KCNMA1: variants seen among roughly 807,000 people sequenced by gnomAD.
The protein encoded by KCNMA1 is Calcium-activated potassium channel subunit alpha-1.
In KCNMA1, 29 loss-of-function variants were observed where a neutral mutation model predicts 140.0. That is an observed-to-expected ratio of 0.21 (90% CI 0.15 to 0.28). The LOEUF (loss-of-function observed/expected upper bound fraction) is 0.28. Among genes scored for constraint, KCNMA1 ranks in the 10% least tolerant of loss-of-function variants. The pLI, the probability that KCNMA1 is intolerant of heterozygous loss-of-function variation, is 1.00. For synonymous variants in KCNMA1, 612 were observed against 611.9 expected (o/e 1.00, Z 0.00); for missense variants, 880 against 1,602.2 (o/e 0.55, Z 7.70).
chr10:77,218,236 G>A (rs574481011), intron 3 of KCNMA1, among the ~76,000 whole-genome samples: 1 of 152,208 alleles, frequency 6.6e-6, no homozygotes, highest in Admixed American at 6.5e-5. Flanking sequence ...AACGTCACTA[G>A]CTCCCTGGTC....
Position 76,944,822 on chromosome 10 carries a change from T to C in KCNMA1, c.2853A>G (p.Lys951=). The change falls in exon 23 of 28, where the codon AAA becomes AAG. Residue 951 remains lysine (K), a synonymous_variant. Transcript: ENST00000286628. The stretch of plus-strand genomic sequence containing the variant: ...CGATGCTGTCATCAAACTGCATAGA[T>C]TTGATGTTGAGTGACGCCAAGATGC... ...KECILASLNI[K]SMQFDDSIGV... is the part of the protein sequence containing the mutation. The C allele has an allele frequency of 6.2e-7, 1 of 1,614,106 alleles. No homozygotes were observed. The highest frequency in any genetic ancestry group is 8.5e-7 in the Non-Finnish European group (1 of 1,180,012).
intron 16 of KCNMA1, among the ~76,000 whole-genome samples, chr10:77,025,998 A>ATAT (rs1555139543): frequency 3.4e-4 from 48 of 139,932 alleles, no homozygotes; most frequent in East Asian, 2.9e-3. Flanking sequence ...AGAAAAAAAA[A>ATAT]ATATATATAT....
chr10:77,088,943 T>C (rs1217413024), intron 10 of KCNMA1, among the ~76,000 whole-genome samples: 1 of 152,220 alleles, frequency 6.6e-6, no homozygotes, highest in Non-Finnish European at 1.5e-5. Context: ...GGGTTGATGT[T>C]GTCTCTAATG....
chr10:76,903,107 C>T (rs1379241153), intron 25 of KCNMA1: 1 of 152,236 alleles, frequency 6.6e-6, no homozygotes, highest in African/African-American at 2.4e-5. Context: ...AACAGGGAAA[C>T]CTGAGCCCAC....
intron 17 of KCNMA1, among the ~76,000 whole-genome samples, chr10:77,015,203 G>C (rs2091769243): frequency 1.3e-5 from 2 of 152,118 alleles, no homozygotes; most frequent in African/African-American, 4.8e-5. Context: ...TTCCTGGCCT[G>C]CGTGTCCAGT....
intron 1 of KCNMA1, chr10:77,636,519 G>A: frequency 6.5e-7 from 1 of 1,536,184 alleles, no homozygotes. Flanking sequence ...GGGTGGCCTG[G>A]GGGCAAAGGA....
Position 77,409,044 on chromosome 10 carries a change from C to T in KCNMA1, c.379-5021G>A, listed in dbSNP as rs186169774. ...ACCCACCCTACCAGGCAACCTCTCA[C>T]GGGGCTGTGCCCAGCCTTACACCCT... On this transcript the variant is annotated intron_variant, in intron 1 of 27. Transcript: ENST00000286628. Among the ~76,000 whole-genome samples, 556 of 152,286 alleles carry T rather than the reference C, an allele frequency of 3.7e-3. 4 individuals are homozygous for T. The highest frequency in any genetic ancestry group is 0.027 in the South Asian group (131 of 4,820).
intron 1 of KCNMA1, among the ~76,000 whole-genome samples, chr10:77,565,194 G>T (rs1180259992): frequency 6.6e-6 from 1 of 152,172 alleles, no homozygotes; most frequent in African/African-American, 2.4e-5. Context: ...CCTGCAAGTG[G>T]TTACCTTCCC....
At chr10:77,488,608 C>G (rs1001186617) in intron 1 of KCNMA1, among the ~76,000 whole-genome samples, 12 of 152,158 alleles carry the variant, frequency 7.9e-5, no homozygotes, top group African/African-American at 2.4e-4. Context: ...TGTGGGTGCA[C>G]AGCCCTGCCC....
intron 1 of KCNMA1, among the ~76,000 whole-genome samples, chr10:77,450,601 C>T (rs1016436164): frequency 6.6e-6 from 1 of 152,060 alleles, no homozygotes; most frequent in African/African-American, 2.4e-5. Flanking sequence ...TCATAAAAAG[C>T]CTCCTTTTCA....
chr10:77,338,984 T>A (rs2090091093), intron 2 of KCNMA1, among the ~76,000 whole-genome samples: 1 of 152,122 alleles, frequency 6.6e-6, no homozygotes, highest in South Asian at 2.1e-4. Context: ...CATGCATGTA[T>A]TCTCAATGGG....
chr10:77,465,106 C>CGGCCA (rs2097961617), intron 1 of KCNMA1, among the ~76,000 whole-genome samples: 1 of 152,172 alleles, frequency 6.6e-6, no homozygotes, highest in Non-Finnish European at 1.5e-5. Context: ...AGTTCTGAGA[C>CGGCCA]GGCCAGGCCT....
At chr10:77,590,778 A>C (rs980108492) in intron 1 of KCNMA1, among the ~76,000 whole-genome samples, 6 of 66,532 alleles carry the variant, frequency 9.0e-5, no homozygotes, top group Non-Finnish European at 2.2e-4. Context: ...GCTAAGTCTA[A>C]ATTTATTTAA....
At chr10:77,122,432 G>A (rs1181833325) in intron 5 of KCNMA1, among the ~76,000 whole-genome samples, 6 of 152,058 alleles carry the variant, frequency 3.9e-5, no homozygotes, top group Middle Eastern at 3.4e-3. Flanking sequence ...AAAGGCTCAC[G>A]GCCAAAAGCA....
intron 9 of KCNMA1, among the ~76,000 whole-genome samples, chr10:77,095,654 A>G (rs1264913228): frequency 6.6e-6 from 1 of 152,220 alleles, no homozygotes; most frequent in African/African-American, 2.4e-5. Flanking sequence ...GCATATCTTC[A>G]CTAAATATAC....
At chr10:77,314,931 C>G (rs1265014292) in intron 2 of KCNMA1, among the ~76,000 whole-genome samples, 2 of 27,602 alleles carry the variant, frequency 7.2e-5, no homozygotes, top group Non-Finnish European at 1.6e-4. Flanking sequence ...CCAACACACA[C>G]ACACACACAC....
intron 23 of KCNMA1, among the ~76,000 whole-genome samples, chr10:76,923,844 A>C (rs946439586): frequency 5.3e-5 from 8 of 151,932 alleles, no homozygotes; most frequent in Non-Finnish European, 1.2e-4. Context: ...CAAACAAACA[A>C]ACACAAAAAA....
At chr10:76,977,365 T>C (rs1222114158) in intron 19 of KCNMA1, among the ~76,000 whole-genome samples, 2 of 152,168 alleles carry the variant, frequency 1.3e-5, no homozygotes, top group African/African-American at 4.8e-5. Context: ...AATAATAATA[T>C]TTGGTAACCC....
At chr10:76,950,936 A>G (rs779942345) in intron 21 of KCNMA1, among the ~76,000 whole-genome samples, 1 of 152,172 alleles carries the variant, frequency 6.6e-6, no homozygotes, top group Non-Finnish European at 1.5e-5. Flanking sequence ...CCTGCAGAAG[A>G]CCTGGAGTTA....
Sources: gnomAD v4.1 joint callset for allele counts (sites outside exome capture counted in the v4.1 genomes callset) on GRCh38, gnomAD v4.1.1 for gene constraint, MANE v1.5 for transcripts, NCBI Gene and HGNC (gene_info 2026-07-23, HGNC 2026-07-21) for gene names.